MACC1: variants seen among roughly 807,000 people sequenced by gnomAD.
MACC1 encodes metastasis-associated in colon cancer protein 1.
A neutral mutation model predicts 70.7 loss-of-function variants in MACC1; 79 were observed. The observed-to-expected ratio is 1.12, with a 90% CI of 0.93 to 1.35. The LOEUF (loss-of-function observed/expected upper bound fraction) is 1.35, where lower values mean the gene tolerates loss of function less well. Ranked by LOEUF, MACC1 falls within the 40% of genes most tolerant of loss-of-function variation. The probability of loss-of-function intolerance (pLI) is 0.00; values close to 1 mark genes in which losing one functional copy is unlikely to be tolerated. For missense variants in MACC1, 1,106 were observed against 978.1 expected, an observed-to-expected ratio of 1.13 and a Z score of -1.74; for synonymous variants, 361 against 347.2, an observed-to-expected ratio of 1.04 and a Z score of -0.44.
At chr7:20,162,137 T>C (rs1361147053) in intron 3 of MACC1, among the ~76,000 whole-genome samples, 2 of 151,960 alleles carry the variant, frequency 1.3e-5, no homozygotes, top group Non-Finnish European at 2.9e-5. Context: ...TTAATGAGAA[T>C]TCCAAGGACA....
chr7:20,205,865 G>C (rs1009151798), intron 1 of MACC1, among the ~76,000 whole-genome samples: 1 of 152,040 alleles, frequency 6.6e-6, no homozygotes, highest in South Asian at 2.1e-4. Context: ...ACGTCTCCAT[G>C]TGAACACTGT....
At position 20,183,037 on chromosome 7, in the gene MACC1, A is replaced by G. The variant is rs558341787; in HGVS notation, c.-217-12259T>C. 1.6e-4 allele frequency among the ~76,000 whole-genome samples: 24 copies of G among 152,252 alleles called. No homozygotes were observed. In the South Asian group the frequency reaches 2.9e-3, roughly 18 times the overall value. On this transcript the variant is annotated intron_variant, in intron 1 of 6. Coordinates refer to ENST00000400331, the MANE Select transcript of MACC1 (RefSeq NM_182762.4). The stretch of plus-strand genomic sequence containing the variant: ...CCCCCAGTGACTCTCAACCATGTCA[A>G]TCCCCTCCTGTGAATGTGGGTTGAA...
intron 1 of MACC1, among the ~76,000 whole-genome samples, chr7:20,176,561 G>A (rs1356493408): frequency 1.3e-5 from 2 of 152,068 alleles, no homozygotes; most frequent in Admixed American, 1.3e-4. Context: ...CATGTGCCCA[G>A]CAATCACCCT....
chr7:20,197,488 T>C (rs1782771402), intron 1 of MACC1, among the ~76,000 whole-genome samples: 1 of 152,260 alleles, frequency 6.6e-6, no homozygotes, highest in African/African-American at 2.4e-5. Flanking sequence ...TGTTTTTCTT[T>C]CTCGAGCATT....
Position 20,140,826 on chromosome 7 carries a change from GACACACACACACAGAC to G in MACC1, c.*104_*119del. ...CTACACACACACACACACACACACA[GACACACACACACAGAC>G]ACACACACACAGACACACAGAGACA... On this transcript the variant is annotated 3_prime_UTR_variant, in exon 7 of 7. Coordinates refer to ENST00000400331, the MANE Select transcript of MACC1 (RefSeq NM_182762.4). The G allele has an allele frequency of 2.2e-5, 12 of 535,038 alleles. No individual in the cohort carries two copies. In the African/African-American group the frequency reaches 2.4e-4, roughly 11 times the overall value. 33.1% of individuals were successfully genotyped at this position (535,038 alleles called of 1,614,324 possible).
intron 1 of MACC1, among the ~76,000 whole-genome samples, chr7:20,182,124 A>G (rs1211704599): frequency 7.0e-6 from 1 of 142,016 alleles, no homozygotes; most frequent in East Asian, 2.2e-4. Flanking sequence ...TCTCACTCAT[A>G]GGTGGGAATT....
At chr7:20,208,038 C>T (rs1782937669) in intron 1 of MACC1, among the ~76,000 whole-genome samples, 1 of 152,172 alleles carries the variant, frequency 6.6e-6, no homozygotes, top group Admixed American at 6.5e-5. Context: ...GGCATTTCCC[C>T]TGCTGGGACT....
At chr7:20,144,807 A>C (rs1040114066) in intron 6 of MACC1, among the ~76,000 whole-genome samples, 1 of 152,180 alleles carries the variant, frequency 6.6e-6, no homozygotes, top group Admixed American at 6.5e-5. Context: ...GCAGAAGAAA[A>C]CACCAAGGAA....
At chr7:20,175,328 G>A (rs144206881) in intron 1 of MACC1, among the ~76,000 whole-genome samples, 2 of 151,964 alleles carry the variant, frequency 1.3e-5, no homozygotes, top group Non-Finnish European at 1.5e-5. Flanking sequence ...ATAAATGTGT[G>A]TGAATATGTA....
chr7:20,176,395 GA>G (rs1339674703), intron 1 of MACC1, among the ~76,000 whole-genome samples: 21 of 152,072 alleles, frequency 1.4e-4, no homozygotes, highest in African/African-American at 3.1e-4. Context: ...GGCAGTGCCA[GA>G]TTCAACCCGT....
chr7:20,148,631 T>C (rs1296483646), intron 6 of MACC1, among the ~76,000 whole-genome samples: 1 of 152,220 alleles, frequency 6.6e-6, no homozygotes, highest in African/African-American at 2.4e-5. Context: ...ATCATAGGAA[T>C]ACAATGTGTT....
At chr7:20,177,223 A>C (rs149116341) in intron 1 of MACC1, among the ~76,000 whole-genome samples, 1 of 152,306 alleles carries the variant, frequency 6.6e-6, no homozygotes, top group East Asian at 1.9e-4. Context: ...GGAAATACAC[A>C]AGCACAGAAT....
intron 1 of MACC1, among the ~76,000 whole-genome samples, chr7:20,212,763 C>T (rs946501093): frequency 3.9e-5 from 6 of 152,052 alleles, no homozygotes; most frequent in African/African-American, 1.4e-4. Context: ...CTCTCCTTTC[C>T]TTCAGTGCTA....
At chr7:20,186,611 TA>T in intron 1 of MACC1, among the ~76,000 whole-genome samples, 1 of 152,060 alleles carries the variant, frequency 6.6e-6, no homozygotes, top group East Asian at 1.9e-4. Flanking sequence ...ACAATTTATA[TA>T]AATAACAACA....
chr7:20,205,092 T>A (rs1443290007), intron 1 of MACC1, among the ~76,000 whole-genome samples: 3 of 151,932 alleles, frequency 2.0e-5, no homozygotes, highest in African/African-American at 7.3e-5. Flanking sequence ...ATTTTTTTTT[T>A]AGAATGGAAA....
At chr7:20,187,829 C>A (rs769807798) in intron 1 of MACC1, among the ~76,000 whole-genome samples, 1 of 152,094 alleles carries the variant, frequency 6.6e-6, no homozygotes, top group South Asian at 2.1e-4. Flanking sequence ...TGTCATTTGC[C>A]CCTGGTGACC....
chr7:20,210,733 A>G (rs148112107), intron 1 of MACC1, among the ~76,000 whole-genome samples: 1 of 152,206 alleles, frequency 6.6e-6, no homozygotes, highest in South Asian at 2.1e-4. Flanking sequence ...GTTCACTGCT[A>G]TATCCCACAA....
intron 5 of MACC1, among the ~76,000 whole-genome samples, chr7:20,156,619 T>C (rs1445327637): frequency 1.3e-5 from 2 of 152,176 alleles, no homozygotes; most frequent in Non-Finnish European, 2.9e-5. Flanking sequence ...CAGTCTCCAA[T>C]AGTTCTGAAT....
chr7:20,145,715 T>C (rs933160146), intron 6 of MACC1, among the ~76,000 whole-genome samples: 1 of 152,138 alleles, frequency 6.6e-6, no homozygotes, highest in Admixed American at 6.5e-5. Context: ...AAAAGGATGT[T>C]AAAATCATTA....
Sources: gnomAD v4.1 joint callset for allele counts (sites outside exome capture counted in the v4.1 genomes callset) on GRCh38, gnomAD v4.1.1 for gene constraint, MANE v1.5 for transcripts, NCBI Gene and HGNC (gene_info 2026-07-23, HGNC 2026-07-21) for gene names.